The following PARK7 variants were observed in gnomAD, a reference collection of about 807,000 sequenced individuals.
The protein encoded by PARK7 is Parkinson disease protein 7.
In PARK7, 14 loss-of-function variants were observed where a neutral mutation model predicts 20.5. That is an observed-to-expected ratio of 0.68 (90% CI 0.45 to 1.07). The LOEUF (loss-of-function observed/expected upper bound fraction) is 1.07, where lower values mean the gene tolerates loss of function less well. Ranked by LOEUF, PARK7 falls within the 50% of genes least tolerant of loss-of-function variation. PARK7 has a pLI of 0.00. For synonymous variants in PARK7, 98 were observed against 84.3 expected (o/e 1.16, Z -0.89); for missense variants, 234 against 238.1 (o/e 0.98, Z 0.11).
chr1:7,967,197 C>T (rs1489903052), intron 3 of PARK7, among the ~76,000 whole-genome samples: 1 of 152,178 alleles, frequency 6.6e-6, no homozygotes, highest in East Asian at 1.9e-4. Flanking sequence ...GCTTCTTTCA[C>T]TTAATATAAT....
At chr1:7,964,547 T>C (rs1239194130) in intron 2 of PARK7, among the ~76,000 whole-genome samples, 62 of 152,184 alleles carry the variant, frequency 4.1e-4, no homozygotes, top group Admixed American at 4.1e-3. Flanking sequence ...TACGTATTCT[T>C]GTGTAGGTTT....
intron 2 of PARK7, among the ~76,000 whole-genome samples, chr1:7,963,819 C>CTT (rs34787365): frequency 6.9e-6 from 1 of 144,370 alleles, no homozygotes; most frequent in Non-Finnish European, 1.5e-5. Flanking sequence ...GCATGTGTGT[C>CTT]TTTTTTTTTT....
At chr1:7,970,804 CTAAAAT>C in intron 4 of PARK7, 84 bp from the exon 5 acceptor site, 1 of 1,306,068 alleles carries the variant, frequency 7.7e-7, no homozygotes, top group Non-Finnish European at 1.1e-6. Flanking sequence ...GTGGTTTAAA[CTAAAAT>C]TAAATTCTTC....
chr1:7,964,455 A>G (rs1338116495), intron 2 of PARK7, among the ~76,000 whole-genome samples: 1 of 152,190 alleles, frequency 6.6e-6, no homozygotes, highest in East Asian at 1.9e-4. Context: ...GATTAAGTTT[A>G]TCCACTTAAA....
At chr1:7,978,973 CTTAATG>C (rs1167018922) in intron 6 of PARK7, among the ~76,000 whole-genome samples, 3 of 151,090 alleles carry the variant, frequency 2.0e-5, no homozygotes, top group South Asian at 2.1e-4. Flanking sequence ...CTTTTTTTAA[CTTAATG>C]TTAATATCTT....
chr1:7,966,393 G>A (rs1640330196), intron 3 of PARK7, among the ~76,000 whole-genome samples: 1 of 151,804 alleles, frequency 6.6e-6, no homozygotes, highest in East Asian at 1.9e-4. Flanking sequence ...AATTAAAAAT[G>A]ACAAGCAGAA....
intron 2 of PARK7, 85 bp downstream of exon 2, chr1:7,962,960 TC>T (rs1445037996): frequency 5.4e-6 from 6 of 1,113,800 alleles, no homozygotes; most frequent in African/African-American, 1.5e-5. Context: ...TTCAAAGTGC[TC>T]TATGAAATAT....
Position 7,969,043 on chromosome 1 carries a change from C to T in PARK7, c.193-302C>T, listed in dbSNP as rs1271006819. The T allele has an allele frequency of 1.0e-5, 3 of 293,586 alleles. No homozygotes were observed. In the East Asian group the frequency reaches 2.1e-4, roughly 21 times the overall value. The allele number at this position is 293,586 out of a possible 1,614,324, so 18.2% of individuals were successfully genotyped here. Reference sequence around the variant, plus strand: ...CTTGTGGTGATTGTACACATACACGCATACATCTACACACAAATACATATA... The same window carrying T: ...CTTGTGGTGATTGTACACATACACGTATACATCTACACACAAATACATATA... On this transcript the variant is annotated intron_variant, in intron 3 of 6. Coordinates refer to ENST00000338639, the MANE Select transcript of PARK7 (RefSeq NM_007262.5).
At chr1:7,974,970 C>T (rs1640547447) in intron 5 of PARK7, among the ~76,000 whole-genome samples, 1 of 151,788 alleles carries the variant, frequency 6.6e-6, no homozygotes, top group Admixed American at 6.6e-5. Context: ...ATTCTCCTGC[C>T]TCAGGCTCCC....
Position 7,965,345 on chromosome 1 carries a change from C to A in PARK7, c.112C>A (p.Leu38Met). ...RAGIKVTVAG[L>M]AGKDPVQCSR... ...GTAGATTAAGGTCACCGTTGCAGGCCTGGCTGGAAAAGACCCAGTACAGTG... is the reference window on the plus strand; with the variant it reads ...GTAGATTAAGGTCACCGTTGCAGGCATGGCTGGAAAAGACCCAGTACAGTG... The change falls in exon 3 of 7, where the codon CTG becomes ATG. Residue 38 changes from leucine (L) to methionine (M), a missense_variant. Transcript: ENST00000338639. 6.2e-7 allele frequency: 1 copy of A among 1,614,130 alleles called. No individual in the cohort carries two copies.
intron 4 of PARK7, among the ~76,000 whole-genome samples, chr1:7,970,331 T>C (rs1193754732): frequency 6.6e-6 from 1 of 152,222 alleles, no homozygotes; most frequent in Non-Finnish European, 1.5e-5. Flanking sequence ...TTTTGTGTTT[T>C]GAGAAGGGCA....
rs1281589664 is a variant in PARK7, at chr1:7,985,075, A to G, written c.*21A>G. ...ACTAGAGCAGCGAACTGCGACGATC[A>G]CTTAGAGAAACAGGCCGTTAGGAAT... On this transcript the variant is annotated 3_prime_UTR_variant, in exon 7 of 7. Coordinates refer to ENST00000338639, the MANE Select transcript of PARK7 (RefSeq NM_007262.5). 1.9e-6 allele frequency: 3 copies of G among 1,611,760 alleles called. No homozygotes were observed. In the South Asian group the frequency reaches 3.3e-5, roughly 18 times the overall value.
chr1:7,964,305 A>G (rs978177430), intron 2 of PARK7, among the ~76,000 whole-genome samples: 6 of 152,206 alleles, frequency 3.9e-5, no homozygotes, highest in African/African-American at 1.2e-4. Context: ...TTACAGTTGA[A>G]GAAACTGAGG....
chr1:7,981,435 A>C (rs1640706600), intron 6 of PARK7, among the ~76,000 whole-genome samples: 1 of 152,226 alleles, frequency 6.6e-6, no homozygotes, highest in Non-Finnish European at 1.5e-5. Flanking sequence ...AACTCTGCTC[A>C]GGGGTCAACT....
At chr1:7,965,934 C>G (rs575618150) in intron 3 of PARK7, among the ~76,000 whole-genome samples, 7 of 152,328 alleles carry the variant, frequency 4.6e-5, no homozygotes, top group East Asian at 1.9e-4. Flanking sequence ...CTCAACCCCC[C>G]ACGTAGCTCG....
In PARK7 at chr1:7,961,711, G is replaced by C. The variant is rs555404334; in HGVS notation, c.-106G>C. ...GGACGGCGCGCGTGCGTGCTGGCGTGCGTTCATTTTCAGCCTGGTGTGGGG... is the reference window on the plus strand; with the variant it reads ...GGACGGCGCGCGTGCGTGCTGGCGTCCGTTCATTTTCAGCCTGGTGTGGGG... On this transcript the variant is annotated 5_prime_UTR_variant, in exon 1 of 7. Coordinates refer to ENST00000338639, the MANE Select transcript of PARK7 (RefSeq NM_007262.5). 2 of 153,546 alleles carry C rather than the reference G, an allele frequency of 1.3e-5. No homozygotes were observed. The highest frequency in any genetic ancestry group is 4.1e-4 in the South Asian group (2 of 4,866). 9.5% of individuals were successfully genotyped at this position (153,546 alleles called of 1,614,324 possible). A position where few individuals can be genotyped will look rare whatever the true frequency, so the allele number is the denominator to read the frequency against.
intron 6 of PARK7, among the ~76,000 whole-genome samples, chr1:7,982,402 G>A (rs990937974): frequency 6.6e-6 from 1 of 152,070 alleles, no homozygotes; most frequent in Admixed American, 6.6e-5. Context: ...ATCTGAATTC[G>A]CTATAGGGTC....
rs1640796122 is a variant in PARK7 at position 7,985,233 on chromosome 1, A to G, written c.*179A>G. On this transcript the variant is annotated 3_prime_UTR_variant, in exon 7 of 7. Coordinates refer to ENST00000338639, the MANE Select transcript of PARK7 (RefSeq NM_007262.5). ...ATTTCTCAGCCTACAAATTGTGTCT[A>G]TACATTTCTAAGCCTTGTTTGCAGA... 4 of 810,458 alleles carry G rather than the reference A, an allele frequency of 4.9e-6. No individual in the cohort carries two copies. The highest frequency in any genetic ancestry group is 7.9e-6 in the Non-Finnish European group (4 of 505,392). The allele number at this position is 810,458 out of a possible 1,614,324, so 50.2% of individuals were successfully genotyped here. A position where few individuals can be genotyped will look rare whatever the true frequency, so the allele number is the denominator to read the frequency against.
At chr1:7,973,795 C>G (rs1167292164) in intron 5 of PARK7, among the ~76,000 whole-genome samples, 2 of 151,724 alleles carry the variant, frequency 1.3e-5, no homozygotes, top group Non-Finnish European at 2.9e-5. Context: ...GTCGTCCTAG[C>G]TACTTGGGAG....
Sources: gnomAD v4.1 joint callset for allele counts (sites outside exome capture counted in the v4.1 genomes callset) on GRCh38, gnomAD v4.1.1 for gene constraint, MANE v1.5 for transcripts, NCBI Gene and HGNC (gene_info 2026-07-23, HGNC 2026-07-21) for gene names.